Variants in SCAI observed in about 807,000 individuals in gnomAD.
The protein encoded by SCAI is suppressor of cancer cell invasion.
SCAI carries 24 observed loss-of-function variants against 92.2 expected under a neutral mutation model. The ratio of observed to expected loss-of-function variants is 0.26; its 90% CI spans 0.19 to 0.37. The LOEUF (loss-of-function observed/expected upper bound fraction) is 0.37, where lower values mean the gene tolerates loss of function less well. Ranked by LOEUF, SCAI falls within the 10% of genes least tolerant of loss-of-function variation. The pLI is 1.00. For synonymous variants in SCAI, 261 were observed against 258.6 expected, an observed-to-expected ratio of 1.01 and a Z score of -0.09; for missense variants, 450 against 736.2, an observed-to-expected ratio of 0.61 and a Z score of 4.50.
At chr9:125,048,193 G>T (rs947983911) in intron 3 of SCAI, among the ~76,000 whole-genome samples, 1 of 151,850 alleles carries the variant, frequency 6.6e-6, no homozygotes, top group African/African-American at 2.4e-5. Flanking sequence ...GGTCAGGCTG[G>T]GCTCAAATTC....
intron 2 of SCAI, among the ~76,000 whole-genome samples, chr9:125,072,380 TAAGA>T (rs1464888087): frequency 6.6e-6 from 1 of 152,190 alleles, no homozygotes; most frequent in African/African-American, 2.4e-5. Context: ...GTAACTGTAG[TAAGA>T]ATTATATCAT....
At chr9:124,968,529 G>C (rs1831585410) in intron 17 of SCAI, 1 of 866,232 alleles carries the variant, frequency 1.2e-6, no homozygotes, top group Non-Finnish European at 2.0e-6. Flanking sequence ...CAGTTTACCA[G>C]TTAAGACACC....
At chr9:124,979,766 T>C (rs1831840196) in intron 14 of SCAI, among the ~76,000 whole-genome samples, 1 of 151,838 alleles carries the variant, frequency 6.6e-6, no homozygotes, top group Admixed American at 6.6e-5. Context: ...ATTAAGCAAA[T>C]AGGCTGGGCG....
intron 2 of SCAI, among the ~76,000 whole-genome samples, chr9:125,077,632 G>A (rs1041379237): frequency 6.6e-6 from 1 of 152,092 alleles, no homozygotes; most frequent in Non-Finnish European, 1.5e-5. Flanking sequence ...AGAGAGATTT[G>A]GATTTCCCTG....
At chr9:125,027,485 G>C (rs146846561) in intron 5 of SCAI, among the ~76,000 whole-genome samples, 50 of 152,278 alleles carry the variant, frequency 3.3e-4, no homozygotes, top group African/African-American at 9.9e-4. Flanking sequence ...GGAAATGGAA[G>C]AAGTTTTATT....
rs941501587 is a variant in SCAI, at chr9:124,946,129, C to T, written c.*6678G>A. On this transcript the variant is annotated 3_prime_UTR_variant, in exon 18 of 18. Transcript: ENST00000336505. The surrounding 1 kb of genome is among the most constrained non-coding windows in gnomAD (Gnocchi z 4.0). ...ATCCACAAGGAGCCTGAGTCAGTTC[C>T]ATGAATTTTAAATGGTATAATATCT... The T allele has an allele frequency of 6.6e-6, 1 of 152,162 alleles. No homozygotes were observed. The highest frequency in any genetic ancestry group is 2.4e-5 in the African/African-American group (1 of 41,440). 9.4% of individuals were successfully genotyped at this position (152,162 alleles called of 1,614,324 possible).
At chr9:125,003,610 G>T in intron 9 of SCAI, 40 bp from the exon 10 acceptor site, 1 of 1,245,486 alleles carries the variant, frequency 8.0e-7, no homozygotes, top group Non-Finnish European at 1.2e-6. Context: ...TAGCCTTAAT[G>T]CAACACGCAG....
intron 17 of SCAI, chr9:124,968,945 A>T: frequency 1.8e-4 from 28 of 151,722 alleles, no homozygotes; most frequent in Non-Finnish European, 2.6e-4. Context: ...TATTTTTTGG[A>T]AAAAAAAAAA....
chr9:124,977,851 A>C (rs1241587180), intron 14 of SCAI, among the ~76,000 whole-genome samples: 3 of 152,318 alleles, frequency 2.0e-5, no homozygotes, highest in African/African-American at 7.2e-5. Context: ...GGCTGGAAAA[A>C]CTGAATAGCC....
chr9:124,953,660 G>A (rs1487427907), intron 17 of SCAI, among the ~76,000 whole-genome samples: 8 of 152,034 alleles, frequency 5.3e-5, no homozygotes, highest in African/African-American at 9.6e-5. Flanking sequence ...TGATCTGCCC[G>A]CCTCAGCCTC....
intron 14 of SCAI, among the ~76,000 whole-genome samples, chr9:124,976,454 C>A (rs958377397): frequency 1.3e-5 from 2 of 152,150 alleles, no homozygotes; most frequent in East Asian, 1.9e-4. Flanking sequence ...TAGTTTTGCA[C>A]GGAGAAGTCA....
chr9:125,087,732 T>C (rs940909572), intron 2 of SCAI, among the ~76,000 whole-genome samples: 3 of 152,154 alleles, frequency 2.0e-5, no homozygotes, highest in African/African-American at 4.8e-5. Flanking sequence ...AAAAAATCCA[T>C]TTGGAAGAAA....
chr9:125,112,201 G>C (rs1324846580), intron 2 of SCAI, among the ~76,000 whole-genome samples: 2 of 152,094 alleles, frequency 1.3e-5, no homozygotes. Flanking sequence ...ACGGTGATCT[G>C]ATCCACCTAA....
rs71374207 is a variant in SCAI, at chr9:124,944,466, ATTTTTTTTTTTT to A, written c.*8329_*8340del. 3.5e-5 allele frequency: 3 copies of A among 84,724 alleles called. No homozygotes were observed. Among genetic ancestry groups the A allele is most frequent in the East Asian group, 7.2e-4 (2 of 2,764 alleles). The allele number at this position is 84,724 out of a possible 1,614,324, so 5.2% of individuals were successfully genotyped here. A position where few individuals can be genotyped will look rare whatever the true frequency, so the allele number is the denominator to read the frequency against. ...AGGCGCACACCACCATGCCTGGCTAATTTTTTTTTTTTTTTTTTTTTTTTTGTATTTTAGTAG... is the reference window on the plus strand; with the variant it reads ...AGGCGCACACCACCATGCCTGGCTAATTTTTTTTTTTTTGTATTTTAGTAG... On this transcript the variant is annotated 3_prime_UTR_variant, in exon 18 of 18. Coordinates refer to ENST00000336505, the MANE Select transcript of SCAI (RefSeq NM_001144877.3).
intron 17 of SCAI, among the ~76,000 whole-genome samples, chr9:124,962,406 C>G (rs1017346194): frequency 3.3e-5 from 5 of 152,198 alleles, no homozygotes; most frequent in African/African-American, 9.6e-5. Flanking sequence ...GGTGACCAAC[C>G]CGCTGTGGCC....
At chr9:124,965,865 C>T (rs1399907107) in intron 17 of SCAI, among the ~76,000 whole-genome samples, 3 of 152,146 alleles carry the variant, frequency 2.0e-5, no homozygotes, top group African/African-American at 7.2e-5. Context: ...AGGTTTACTA[C>T]AGTACTGCAC....
At chr9:125,045,604 GGAA>G (rs1833417858) in intron 3 of SCAI, among the ~76,000 whole-genome samples, 1 of 152,122 alleles carries the variant, frequency 6.6e-6, no homozygotes. Flanking sequence ...CCAAAGTGCT[GGAA>G]TTACAGGCAT....
intron 2 of SCAI, among the ~76,000 whole-genome samples, chr9:125,139,319 G>A (rs1345655489): frequency 6.6e-6 from 1 of 152,114 alleles, no homozygotes; most frequent in Non-Finnish European, 1.5e-5. Flanking sequence ...AGGCTGAGGT[G>A]GGAAAATCAC....
At chr9:124,980,827 C>A (rs1374560573) in intron 14 of SCAI, among the ~76,000 whole-genome samples, 1 of 152,098 alleles carries the variant, frequency 6.6e-6, no homozygotes, top group Admixed American at 6.5e-5. Context: ...CGACTATATG[C>A]CGAGTCCTGT....
Sources: allele counts gnomAD v4.1 joint callset (sites outside exome capture counted in the v4.1 genomes callset), GRCh38; gene constraint gnomAD v4.1.1; non-coding constraint Gnocchi (gnomAD v3.1); transcripts MANE v1.5; gene names NCBI Gene and HGNC (gene_info 2026-07-23, HGNC 2026-07-21).